The following MED6 variants were observed in gnomAD, a reference collection of about 807,000 sequenced individuals.
The protein encoded by MED6 is mediator complex subunit 6.
A neutral mutation model predicts 37.5 loss-of-function variants in MED6; 33 were observed. The observed-to-expected ratio is 0.88, with a 90% CI of 0.67 to 1.18. The LOEUF (loss-of-function observed/expected upper bound fraction) is 1.18. Among genes scored for constraint, MED6 ranks in the 50% most tolerant of loss-of-function variants. The probability of loss-of-function intolerance (pLI) is 0.00; values close to 1 mark genes in which losing one functional copy is unlikely to be tolerated. For missense variants in MED6, 235 were observed against 290.6 expected (o/e 0.81, Z 1.39); for synonymous variants, 94 against 93.6 (o/e 1.00, Z -0.02).
intron 3 of MED6, chr14:70,595,305 G>A (rs1432207565): frequency 1.5e-5 from 8 of 546,936 alleles, no homozygotes; most frequent in Non-Finnish European, 2.5e-5. Flanking sequence ...ATCCTAATAC[G>A]AAGAGCTGGC....
At position 70,584,385 on chromosome 14, in the gene MED6, T is replaced by C. The variant is rs57486211; in HGVS notation, c.*428A>G. 5.6e-3 allele frequency: 2,384 copies of C among 423,358 alleles called. 17 individuals carry two copies. Among genetic ancestry groups the C allele is most frequent in the African/African-American group, 0.027 (1,310 of 49,154 alleles). 26.2% of individuals were successfully genotyped at this position (423,358 alleles called of 1,614,324 possible). A position where few individuals can be genotyped will look rare whatever the true frequency, so the allele number is the denominator to read the frequency against. ...TCATGATGGGAATAATATCTTTTCT[T>C]CTTTTTTGAGACAAAGTCTCGCTCT... On this transcript the variant is annotated 3_prime_UTR_variant, in exon 8 of 8. Transcript: ENST00000256379.
chr14:70,593,443 A>C, intron 3 of MED6, 65 bp from the exon 4 acceptor site: 357 of 1,184,738 alleles, frequency 3.0e-4, no homozygotes, highest in Non-Finnish European at 3.9e-4. Flanking sequence ...ACAGATTCTC[A>C]TAAAAAGAAA....
intron 1 of MED6, 75 bp from the exon 2 acceptor site, chr14:70,597,852 ATC>A: frequency 7.9e-7 from 1 of 1,267,806 alleles, no homozygotes; most frequent in Non-Finnish European, 1.1e-6. Context: ...TTTATTATAC[ATC>A]AAATGTAGTA....
At chr14:70,587,756 C>A (rs1251118396) in intron 6 of MED6, among the ~76,000 whole-genome samples, 1 of 152,174 alleles carries the variant, frequency 6.6e-6, no homozygotes, top group African/African-American at 2.4e-5. Flanking sequence ...TTTAGATAAT[C>A]CTAGTTGAAG....
At chr14:70,586,186 A>C (rs1884701305) in intron 6 of MED6, among the ~76,000 whole-genome samples, 1 of 152,234 alleles carries the variant, frequency 6.6e-6, no homozygotes, top group African/African-American at 2.4e-5. Flanking sequence ...ACTTATGGGA[A>C]GGGAGAATGA....
Position 70,591,306 on chromosome 14 carries a change from A to G in MED6, c.542T>C (p.Leu181Pro). Residue 181 changes from leucine to proline, a missense_variant, in exon 6 of 8, where the codon CTT (leucine) becomes CCT (proline). Physicochemically the swap from Leu to Pro is moderately conservative, Grantham distance 98 (BLOSUM62 -3). Transcript: ENST00000256379. Reference sequence around the variant, plus strand: ...TGGAAATTTTTGTCTGAGGTCTAAAAGTAAAGCATCCACACGTTGTCTCTG... The same window carrying G: ...TGGAAATTTTTGTCTGAGGTCTAAAGGTAAAGCATCCACACGTTGTCTCTG... Reference protein sequence around the residue: ...IFQRQRVDALLLDLRQKFPPK... With the variant: ...IFQRQRVDALPLDLRQKFPPK... 3 of 1,612,300 alleles carry G rather than the reference A, an allele frequency of 1.9e-6. No homozygotes were observed. The highest frequency in any genetic ancestry group is 2.5e-6 in the Non-Finnish European group (3 of 1,179,470).
intron 6 of MED6, among the ~76,000 whole-genome samples, chr14:70,589,049 A>G (rs1178693474): frequency 6.6e-6 from 1 of 152,156 alleles, no homozygotes; most frequent in Non-Finnish European, 1.5e-5. Context: ...ACTCAAATAC[A>G]ACAGCAAACT....
chr14:70,586,703 C>A, intron 6 of MED6, among the ~76,000 whole-genome samples: 2 of 152,288 alleles, frequency 1.3e-5, no homozygotes, highest in Admixed American at 1.3e-4. Flanking sequence ...CCACTTCTAA[C>A]TACAAAATTT....
At position 70,584,693 on chromosome 14, in the gene MED6, A is replaced by T. The variant is rs1884650580; in HGVS notation, c.*120T>A. On this transcript the variant is annotated 3_prime_UTR_variant, in exon 8 of 8. Coordinates refer to ENST00000256379, the MANE Select transcript of MED6 (RefSeq NM_005466.4). ...ATCCGGCCTAATATCCTTTCAAAAA[A>T]TAAGCGCATTCCATACAAATAAGAA... 11 of 1,320,136 alleles carry T rather than the reference A, an allele frequency of 8.3e-6. No individual in the cohort carries two copies. The highest frequency in any genetic ancestry group is 1.1e-5 in the Non-Finnish European group (11 of 968,624). The allele number at this position is 1,320,136 out of a possible 1,614,324, so 81.8% of individuals were successfully genotyped here. A position where few individuals can be genotyped will look rare whatever the true frequency, so the allele number is the denominator to read the frequency against.
intron 1 of MED6, among the ~76,000 whole-genome samples, chr14:70,598,555 A>G (rs1163348635): frequency 6.6e-6 from 1 of 152,170 alleles, no homozygotes; most frequent in Non-Finnish European, 1.5e-5. Flanking sequence ...TGTGGAGAGA[A>G]GGTGGGTTTT....
At chr14:70,595,118 A>G (rs542011450) in intron 3 of MED6, 4 of 522,292 alleles carry the variant, frequency 7.7e-6, no homozygotes, top group Admixed American at 2.0e-5. Context: ...TGCAAGGTCA[A>G]TGACACCAGT....
At chr14:70,595,775 G>A (rs1164938114) in intron 3 of MED6, 4 of 709,458 alleles carry the variant, frequency 5.6e-6, no homozygotes, top group Non-Finnish European at 1.0e-5. Flanking sequence ...CCGCCAGGTA[G>A]TGGATGGCAG....
intron 1 of MED6, 73 bp from the exon 2 acceptor site, chr14:70,597,850 A>G: frequency 7.8e-7 from 1 of 1,287,062 alleles, no homozygotes; most frequent in South Asian, 1.6e-5. Flanking sequence ...CATTTATTAT[A>G]CATCAAATGT....
Position 70,596,659 on chromosome 14 carries a change from G to A in MED6, c.226C>T (p.Pro76Ser), listed in dbSNP as rs369104553. 1.1e-5 allele frequency: 18 copies of A among 1,613,748 alleles called. No homozygotes were observed. Among genetic ancestry groups the A allele is most frequent in the Non-Finnish European group, 1.5e-5 (18 of 1,179,874 alleles). ...IEYILLHAQE[P>S]ILFIIRKQQR... ...TGCTTCCGAATGATGAAAAGAATGG[G>A]CTCTTGAGCATGCAAAAGGATGTAC... Residue 76 changes from proline (P) to serine (S), a missense_variant, in exon 3 of 8, where the codon CCC (proline) becomes TCC (serine). Pro to Ser is a moderately conservative substitution (Grantham distance 74). Coordinates refer to ENST00000256379, the MANE Select transcript of MED6 (RefSeq NM_005466.4).
At position 70,584,796 on chromosome 14, in the gene MED6, T is replaced by G. The variant is rs1211350829; in HGVS notation, c.*17A>C. On this transcript the variant is annotated 3_prime_UTR_variant, in exon 8 of 8. Coordinates refer to ENST00000256379, the MANE Select transcript of MED6 (RefSeq NM_005466.4). The stretch of plus-strand genomic sequence containing the variant: ...ACTAGCATGAGGAGTCTTCCAGGCT[T>G]CTCTTTTGTCCAGTACTCACTGAAG... 1.9e-6 allele frequency: 3 copies of G among 1,608,674 alleles called. No individual in the cohort carries two copies. The highest frequency in any genetic ancestry group is 2.5e-6 in the Non-Finnish European group (3 of 1,178,514).
intron 3 of MED6, chr14:70,595,547 G>A (rs1885018621): frequency 1.0e-5 from 7 of 703,236 alleles, no homozygotes; most frequent in Middle Eastern, 7.4e-4. Flanking sequence ...AGATGGAGCA[G>A]CTCAACAGGA....
intron 3 of MED6, chr14:70,594,530 C>G (rs1313799032): frequency 5.4e-6 from 2 of 369,470 alleles, no homozygotes; most frequent in Non-Finnish European, 1.1e-5. Context: ...GTCCTGTCCT[C>G]TCACTCTCCT....
At chr14:70,594,936 G>A (rs1884996838) in intron 3 of MED6, 1 of 609,472 alleles carries the variant, frequency 1.6e-6, no homozygotes, top group Non-Finnish European at 3.2e-6. Flanking sequence ...TCAGAGATTG[G>A]GGCCATTACT....
chr14:70,586,924 T>C (rs1373068958), intron 6 of MED6, among the ~76,000 whole-genome samples: 2 of 152,222 alleles, frequency 1.3e-5, no homozygotes, highest in Admixed American at 1.3e-4. Context: ...GTCTAGAAAC[T>C]TGGATTTTTG....
Sources: gnomAD v4.1 joint callset for allele counts (sites outside exome capture counted in the v4.1 genomes callset) on GRCh38, gnomAD v4.1.1 for gene constraint, MANE v1.5 for transcripts, NCBI Gene and HGNC (gene_info 2026-07-23, HGNC 2026-07-21) for gene names.